Variants in THRB observed in about 807,000 individuals in gnomAD.
THRB encodes the protein nuclear receptor subfamily 1 group A member 2.
Under a neutral mutation model 47.8 loss-of-function variants are expected in THRB, and 12 were observed. The observed-to-expected ratio is 0.25, with a 90% CI of 0.16 to 0.41. THRB has a LOEUF of 0.41. Among genes scored for constraint, THRB ranks in the 10% least tolerant of loss-of-function variants. The pLI is 1.00. For missense variants in THRB, 348 were observed against 589.2 expected (o/e 0.59, Z 4.24); for synonymous variants, 218 against 212.2 (o/e 1.03, Z -0.24).
At position 24,442,835 on chromosome 3, in the gene THRB, A is replaced by C. The variant is rs111883901; in HGVS notation, c.-261+51817T>G. On this transcript the variant is annotated intron_variant, in intron 1 of 10. Transcript: ENST00000646209. The stretch of plus-strand genomic sequence containing the variant: ...GTGAAACTCCGTCTCAAAAAAAAAA[A>C]AAAAACAAAAACAAAAACAGAAAAC... 3.6e-4 allele frequency among the ~76,000 whole-genome samples: 54 copies of C among 150,686 alleles called. 1 individual carries two copies. The highest frequency in any genetic ancestry group is 5.9e-4 in the African/African-American group (24 of 40,932).
At chr3:24,485,569 A>T (rs534138831) in intron 1 of THRB, among the ~76,000 whole-genome samples, 1 of 152,306 alleles carries the variant, frequency 6.6e-6, no homozygotes, top group South Asian at 2.1e-4. Flanking sequence ...AACATTCTTA[A>T]GTCTCTTCAA....
intron 5 of THRB, among the ~76,000 whole-genome samples, chr3:24,179,901 T>A (rs1282609358): frequency 6.6e-6 from 1 of 152,186 alleles, no homozygotes; most frequent in Non-Finnish European, 1.5e-5. Flanking sequence ...CATAGAATGA[T>A]CGCTTCAAAG....
At chr3:24,217,913 A>G (rs1266889508) in intron 4 of THRB, among the ~76,000 whole-genome samples, 5 of 152,202 alleles carry the variant, frequency 3.3e-5, no homozygotes, top group Admixed American at 6.5e-5. Context: ...AAAACTATCT[A>G]CTTCCTTTTG....
intron 3 of THRB, among the ~76,000 whole-genome samples, chr3:24,265,329 T>C (rs2052539060): frequency 6.6e-6 from 1 of 152,202 alleles, no homozygotes; most frequent in South Asian, 2.1e-4. Flanking sequence ...CAAAGGGCAC[T>C]GATCAAGACA....
At chr3:24,182,058 G>A (rs1422060079) in intron 5 of THRB, among the ~76,000 whole-genome samples, 1 of 152,058 alleles carries the variant, frequency 6.6e-6, no homozygotes, top group African/African-American at 2.4e-5. Flanking sequence ...AAAGTTAGCC[G>A]GGCGTGGTGG....
intron 4 of THRB, among the ~76,000 whole-genome samples, chr3:24,191,176 C>T (rs1159297207): frequency 6.6e-6 from 1 of 151,662 alleles, no homozygotes; most frequent in Non-Finnish European, 1.5e-5. Context: ...TGACACTAAC[C>T]TTCCCTGGTG....
intron 4 of THRB, among the ~76,000 whole-genome samples, chr3:24,206,358 C>G (rs534221097): frequency 1.3e-5 from 2 of 152,096 alleles, no homozygotes; most frequent in Non-Finnish European, 2.9e-5. Flanking sequence ...CACTCAAAAC[C>G]GCTCAACTAC....
intron 6 of THRB, among the ~76,000 whole-genome samples, chr3:24,148,165 C>CA (rs2036374184): frequency 2.0e-5 from 3 of 152,188 alleles, no homozygotes; most frequent in Non-Finnish European, 4.4e-5. Context: ...CTCGCTCTGT[C>CA]ACCTAGGCTG....
chr3:24,202,617 A>G (rs2044727761), intron 4 of THRB, among the ~76,000 whole-genome samples: 1 of 152,248 alleles, frequency 6.6e-6, no homozygotes, highest in Non-Finnish European at 1.5e-5. Flanking sequence ...AAAGCTGCCA[A>G]ATCATTTAGA....
chr3:24,321,023 A>G (rs2058449946), intron 2 of THRB, among the ~76,000 whole-genome samples: 3 of 152,232 alleles, frequency 2.0e-5, no homozygotes, highest in South Asian at 4.1e-4. Flanking sequence ...CTTTCCCCCA[A>G]GAGGACAGAG....
At chr3:24,165,966 C>A (rs1208685377) in intron 5 of THRB, among the ~76,000 whole-genome samples, 2 of 152,142 alleles carry the variant, frequency 1.3e-5, no homozygotes, top group Non-Finnish European at 1.5e-5. Flanking sequence ...CTGACTGACT[C>A]CAAAACATTA....
intron 1 of THRB, among the ~76,000 whole-genome samples, chr3:24,443,952 T>A (rs2071803344): frequency 6.6e-6 from 1 of 152,186 alleles, no homozygotes; most frequent in Admixed American, 6.5e-5. Flanking sequence ...CTGGCTTCCA[T>A]ATTATATTCT....
chr3:24,393,583 G>A (rs955783276), intron 1 of THRB, among the ~76,000 whole-genome samples: 9 of 152,116 alleles, frequency 5.9e-5, no homozygotes, highest in African/African-American at 1.7e-4. Flanking sequence ...CCAAGAAAGC[G>A]TTTCCAAAAA....
intron 6 of THRB, 59 bp from the exon 7 acceptor site, chr3:24,146,881 C>G: frequency 1.3e-6 from 2 of 1,553,658 alleles, no homozygotes; most frequent in Non-Finnish European, 1.8e-6. Context: ...ATCAGTGATT[C>G]TGGAATTTTG....
upstream of THRB, chr3:24,495,137 G>A (rs1698848535): frequency 6.6e-6 from 1 of 151,906 alleles, no homozygotes; most frequent in South Asian, 2.1e-4. Flanking sequence ...TCTTACTCCG[G>A]GCCCGGGGCG....
chr3:24,225,559 T>C lies in THRB; in HGVS notation c.22+3379A>G, dbSNP rs575035917. Among the ~76,000 whole-genome samples the C allele has an allele frequency of 8.5e-5, 13 of 152,344 alleles. No individual in the cohort carries two copies. The East Asian group carries it at 2.5e-3, about 29-fold the overall frequency. On this transcript the variant is annotated intron_variant, in intron 4 of 10. Coordinates refer to ENST00000646209, the MANE Select transcript of THRB (RefSeq NM_001354712.2). The stretch of plus-strand genomic sequence containing the variant: ...ACAGCCAGGTTCAGCGCAAACATAA[T>C]GGGTCTTTGTTTTTGCCTCTTCCAG...
chr3:24,474,915 C>A (rs762841082), intron 1 of THRB, among the ~76,000 whole-genome samples: 3 of 152,180 alleles, frequency 2.0e-5, no homozygotes, highest in African/African-American at 7.2e-5. Flanking sequence ...TTGTCCAATA[C>A]GCTGTAGGTA....
intron 4 of THRB, 124 bp from the exon 5 acceptor site, chr3:24,190,458 T>G: frequency 8.3e-7 from 1 of 1,204,964 alleles, no homozygotes; most frequent in Admixed American, 1.7e-5. Context: ...ACATGCCACT[T>G]GACGGGAGTG....
intron 5 of THRB, among the ~76,000 whole-genome samples, chr3:24,181,818 G>A (rs1312295688): frequency 6.6e-6 from 1 of 152,150 alleles, no homozygotes; most frequent in African/African-American, 2.4e-5. Flanking sequence ...ATTGGACCCT[G>A]CCAAGAGTAA....
Sources: gnomAD v4.1 joint callset for allele counts (sites outside exome capture counted in the v4.1 genomes callset) on GRCh38, gnomAD v4.1.1 for gene constraint, MANE v1.5 for transcripts, NCBI Gene and HGNC (gene_info 2026-07-23, HGNC 2026-07-21) for gene names.